The following LIM2 variants were observed in gnomAD, a reference collection of about 807,000 sequenced individuals.
LIM2 encodes the protein lens intrinsic membrane protein 2, also known as lens fiber membrane intrinsic protein.
In LIM2, 14 loss-of-function variants were observed where a neutral mutation model predicts 19.0. The ratio of observed to expected loss-of-function variants is 0.74; its 90% CI spans 0.49 to 1.15. The LOEUF (loss-of-function observed/expected upper bound fraction) is 1.15, where lower values mean the gene tolerates loss of function less well. LIM2 is among the 50% of genes most tolerant of loss of function. LIM2 has a pLI of 0.00. For synonymous variants in LIM2, 78 were observed against 89.6 expected (o/e 0.87, Z 0.73); for missense variants, 230 against 243.5 (o/e 0.94, Z 0.37).
intron 2 of LIM2, among the ~76,000 whole-genome samples, chr19:51,385,394 G>C (rs1216004877): frequency 6.6e-6 from 1 of 151,938 alleles, no homozygotes; most frequent in African/African-American, 2.4e-5. Flanking sequence ...GGTTTTGGGC[G>C]CCTGTAATCC....
At chr19:51,384,908 G>A (rs1297868578) in intron 2 of LIM2, among the ~76,000 whole-genome samples, 2 of 152,092 alleles carry the variant, frequency 1.3e-5, no homozygotes, top group African/African-American at 4.8e-5. Flanking sequence ...TGTCACCCAG[G>A]CTGGAGTGCA....
chr19:51,380,298 C>A (rs1221724751), intron 4 of LIM2, 36 bp from the exon 5 acceptor site: 1 of 1,609,380 alleles, frequency 6.2e-7, no homozygotes, highest in Non-Finnish European at 8.5e-7. Context: ...CCCCCTCAAA[C>A]CTCCCCCAGC....
At chr19:51,385,531 AAAAC>A (rs1987016005) in intron 2 of LIM2, among the ~76,000 whole-genome samples, 1 of 152,100 alleles carries the variant, frequency 6.6e-6, no homozygotes, top group Non-Finnish European at 1.5e-5. Context: ...GAAACAAAAC[AAAAC>A]AAAACAAAAA....
chr19:51,382,952 T>A (rs949458600), intron 2 of LIM2, among the ~76,000 whole-genome samples: 5 of 151,932 alleles, frequency 3.3e-5, no homozygotes, highest in Non-Finnish European at 7.4e-5. Flanking sequence ...GTTGAATGAA[T>A]GAATGAATGA....
intron 2 of LIM2, among the ~76,000 whole-genome samples, chr19:51,384,617 C>G: frequency 6.6e-6 from 1 of 152,168 alleles, no homozygotes; most frequent in Non-Finnish European, 1.5e-5. Context: ...GGACATGGAA[C>G]AGATTCTCCC....
intron 2 of LIM2, among the ~76,000 whole-genome samples, chr19:51,383,628 G>A (rs936422982): frequency 6.6e-6 from 1 of 152,122 alleles, no homozygotes; most frequent in African/African-American, 2.4e-5. Flanking sequence ...CTTTAGCAAC[G>A]GCTAACTATA....
At chr19:51,387,223 C>G in intron 2 of LIM2, 46 bp downstream of exon 2, 1 of 1,614,242 alleles carries the variant, frequency 6.2e-7, no homozygotes, top group Non-Finnish European at 8.5e-7. Flanking sequence ...GAGGTCCGCC[C>G]TGCTCTTTCC....
chr19:51,386,888 G>A (rs1228581364), intron 2 of LIM2, among the ~76,000 whole-genome samples: 1 of 151,962 alleles, frequency 6.6e-6, no homozygotes, highest in Non-Finnish European at 1.5e-5. Context: ...TTATAAGTAG[G>A]CAAAAATACT....
chr19:51,385,001 C>A (rs181160469), intron 2 of LIM2, among the ~76,000 whole-genome samples: 97 of 152,092 alleles, frequency 6.4e-4, no homozygotes, highest in African/African-American at 2.3e-3. Flanking sequence ...CAGCTGGGGC[C>A]ACGGGAGCAC....
rs965386149 is a variant in LIM2, at chr19:51,386,042, G to T, written c.175+1227C>A. Among the ~76,000 whole-genome samples, 7 of 151,984 alleles carry T rather than the reference G, an allele frequency of 4.6e-5. No homozygotes were observed. The South Asian group carries it at 8.3e-4, about 18-fold the overall frequency. ...GTAAAGTGCTTAGAATAGCACATAG[G>T]GCATAGTAAGCACTCAATCAATGCC... is the stretch of plus-strand genomic sequence containing the variant. On this transcript the variant is annotated intron_variant, in intron 2 of 4. Transcript: ENST00000596399.
At position 51,380,253 on chromosome 19, in the gene LIM2, T is replaced by G. The variant is rs1343454948; in HGVS notation, c.470A>C (p.Tyr157Ser). 1 of 1,613,544 alleles carries G rather than the reference T, an allele frequency of 6.2e-7. No homozygotes were observed. Among genetic ancestry groups the G allele is most frequent in the Non-Finnish European group, 8.5e-7 (1 of 1,179,812 alleles). The change falls in exon 5 of 5, where the codon TAC becomes TCC. Residue 157 changes from tyrosine (Y) to serine (S), a missense_variant. Physicochemically the swap from Tyr to Ser is moderately radical, Grantham distance 144. Transcript: ENST00000596399. ...TTCATGCACCCGGTAGGCGCACATG[T>G]AGAAAATCCCTGCATGAGAAGAAGT... ...VLMTFFAGIF[Y>S]MCAYRVHECR...
At chr19:51,383,027 CTTTTTTT>C (rs1163859181) in intron 2 of LIM2, among the ~76,000 whole-genome samples, 20 of 88,298 alleles carry the variant, frequency 2.3e-4, no homozygotes, top group East Asian at 7.2e-4. Context: ...TTTTTCTTTT[CTTTTTTT>C]TTTTTTTTTT....
chr19:51,381,451 C>T (rs375725742), intron 3 of LIM2, among the ~76,000 whole-genome samples: 9 of 152,296 alleles, frequency 5.9e-5, no homozygotes, highest in African/African-American at 2.2e-4. Context: ...TTCAATCAGT[C>T]ATGCCTATTT....
intron 2 of LIM2, among the ~76,000 whole-genome samples, chr19:51,384,430 C>A (rs1177705984): frequency 5.9e-5 from 9 of 152,008 alleles, no homozygotes; most frequent in Admixed American, 5.9e-4. Flanking sequence ...GACTCCAACT[C>A]AAAAACAAAA....
Position 51,382,299 on chromosome 19 carries a change from G to T in LIM2, c.325+119C>A, listed in dbSNP as rs1043750250. 114 of 1,157,134 alleles carry T rather than the reference G, an allele frequency of 9.9e-5. No homozygotes were observed. In the African/African-American group the frequency reaches 1.6e-3, roughly 16 times the overall value. The allele number at this position is 1,157,134 out of a possible 1,614,324, so 71.7% of individuals were successfully genotyped here. Reference sequence around the variant, plus strand: ...TTTTGAGTGTGGGGATGGGATTAGGGTGGGGTGGGGTTGAGTGTGAGGAGG... The same window carrying T: ...TTTTGAGTGTGGGGATGGGATTAGGTTGGGGTGGGGTTGAGTGTGAGGAGG... On this transcript the variant is annotated intron_variant, in intron 3 of 4. Transcript: ENST00000596399.
At position 51,382,461 on chromosome 19, in the gene LIM2, G is replaced by T; in HGVS notation, c.282C>A (p.Arg94=). ...MAFAHQPTFS[R]ISRPFSAGIM... Reference sequence around the variant, plus strand: ...TGCCAGCAGAGAAGGGCCGGGAGATGCGGGAGAAGGTAGGCTGATGAGCGA... The same window carrying T: ...TGCCAGCAGAGAAGGGCCGGGAGATTCGGGAGAAGGTAGGCTGATGAGCGA... Residue 94 remains arginine, a synonymous_variant, in exon 3 of 5, where the codon CGC becomes CGA. Coordinates refer to ENST00000596399, the MANE Select transcript of LIM2 (RefSeq NM_001161748.2). The T allele has an allele frequency of 1.9e-6, 3 of 1,614,016 alleles. No homozygotes were observed. The South Asian group carries it at 3.3e-5, about 18-fold the overall frequency.
Position 51,387,462 on chromosome 19 carries a change from G to A in LIM2, c.-6-13C>T, listed in dbSNP as rs1370640534. 1 of 1,612,882 alleles carries A rather than the reference G, an allele frequency of 6.2e-7. No individual in the cohort carries two copies. Among genetic ancestry groups the A allele is most frequent in the Non-Finnish European group, 8.5e-7 (1 of 1,179,904 alleles). On this transcript the variant is annotated splice_polypyrimidine_tract_variant and intron_variant, in intron 1 of 4. Transcript: ENST00000596399. ...TGTACATGGTGATCTGTGGGGAAGG[G>A]GAGAGATGGGATTGGGAGCTGAATT...
At chr19:51,387,018 A>G (rs1987074181) in intron 2 of LIM2, 2 of 728,364 alleles carry the variant, frequency 2.7e-6, no homozygotes, top group African/African-American at 3.5e-5. Flanking sequence ...ATTGCTGTGC[A>G]TGACACCTCT....
Position 51,380,331 on chromosome 19 carries a change from C to T in LIM2, c.461-69G>A. 10 of 1,578,614 alleles carry T rather than the reference C, an allele frequency of 6.3e-6. No individual in the cohort carries two copies. The South Asian group carries it at 1.0e-4, about 16-fold the overall frequency. ...AGCTCCATTTCCACCCCAAGAGAGC[C>T]CAACACCCTACTCTCTTTCTCCCTG... On this transcript the variant is annotated intron_variant, in intron 4 of 4. Coordinates refer to ENST00000596399, the MANE Select transcript of LIM2 (RefSeq NM_001161748.2).
Sources: allele counts gnomAD v4.1 joint callset (sites outside exome capture counted in the v4.1 genomes callset), GRCh38; gene constraint gnomAD v4.1.1; transcripts MANE v1.5; gene names NCBI Gene and HGNC (gene_info 2026-07-23, HGNC 2026-07-21).